SULF2: variants seen among roughly 807,000 people sequenced by gnomAD.
SULF2 encodes extracellular sulfatase Sulf-2.
In SULF2, 52 loss-of-function variants were observed where a neutral mutation model predicts 107.7. The ratio of observed to expected loss-of-function variants is 0.48; its 90% CI spans 0.39 to 0.61. The LOEUF is 0.61. Ranked by LOEUF, SULF2 falls within the 20% of genes least tolerant of loss-of-function variation. SULF2 has a pLI of 0.00. For missense variants in SULF2, 993 were observed against 1,177.3 expected, an observed-to-expected ratio of 0.84 and a Z score of 2.29; for synonymous variants, 460 against 464.3, an observed-to-expected ratio of 0.99 and a Z score of 0.12.
chr20:47,724,953 C>A (rs1470037354), intron 3 of SULF2, among the ~76,000 whole-genome samples: 9 of 152,134 alleles, frequency 5.9e-5, no homozygotes, highest in Non-Finnish European at 1.0e-4. Context: ...TCCACAAAAT[C>A]AATATAATGC....
intron 2 of SULF2, among the ~76,000 whole-genome samples, chr20:47,748,653 G>T (rs563719881): frequency 1.3e-5 from 2 of 152,246 alleles, no homozygotes; most frequent in South Asian, 4.1e-4. Flanking sequence ...TCGCTCTCTG[G>T]GCTTTGGGTT....
chr20:47,701,068 T>C (rs2088552590), intron 4 of SULF2, among the ~76,000 whole-genome samples: 1 of 152,200 alleles, frequency 6.6e-6, no homozygotes, highest in Non-Finnish European at 1.5e-5. Flanking sequence ...GCTTAGTTTA[T>C]AATAGACCCA....
chr20:47,666,712 A>G lies in SULF2; in HGVS notation c.1577-224T>C, dbSNP rs1282416482. On this transcript the variant is annotated intron_variant, in intron 11 of 20. Coordinates refer to ENST00000688720, the MANE Select transcript of SULF2 (RefSeq NM_001387048.1). This position sits in a 1 kb window ranked among gnomAD's most constrained non-coding sequence, Gnocchi z 5.4. ...CGGCAAGACGGAAGTCCTGGAGCCA[A>G]GAAGCCACTGACTCAAGAGGATTTC... 1.3e-5 allele frequency among the ~76,000 whole-genome samples: 2 copies of G among 152,242 alleles called. No homozygotes were observed. Among genetic ancestry groups the G allele is most frequent in the East Asian group, 3.8e-4 (2 of 5,198 alleles).
At chr20:47,743,930 C>T (rs2089947935) in intron 2 of SULF2, among the ~76,000 whole-genome samples, 1 of 152,218 alleles carries the variant, frequency 6.6e-6, no homozygotes, top group African/African-American at 2.4e-5. Flanking sequence ...CTGCAAATAT[C>T]ACTTTCTCAG....
At chr20:47,731,187 C>CTCTCTCTTTTTTTTTTTTTTTT (rs1186229502) in intron 3 of SULF2, among the ~76,000 whole-genome samples, 2 of 81,178 alleles carry the variant, frequency 2.5e-5, no homozygotes, top group African/African-American at 1.2e-4. Context: ...TGTATCTTCT[C>CTCTCTCTTTTTTTTTTTTTTTT]TTTTTTTTTT....
intron 2 of SULF2, 104 bp downstream of exon 2, chr20:47,757,085 G>A (rs984426356): frequency 9.2e-7 from 1 of 1,088,058 alleles, no homozygotes; most frequent in Non-Finnish European, 1.3e-6. Context: ...ACTCAAAAGT[G>A]AGCACGACGC....
At chr20:47,732,887 A>T (rs2089646723) in intron 3 of SULF2, among the ~76,000 whole-genome samples, 1 of 152,142 alleles carries the variant, frequency 6.6e-6, no homozygotes, top group Non-Finnish European at 1.5e-5. Flanking sequence ...CTGAGGATGC[A>T]ATTGATCCTT....
chr20:47,759,786 G>T (rs4295072), intron 1 of SULF2, among the ~76,000 whole-genome samples: 1 of 152,152 alleles, frequency 6.6e-6, no homozygotes, highest in Non-Finnish European at 1.5e-5. Flanking sequence ...GCCTGCCCTG[G>T]CCACCCTATT....
At position 47,731,187 on chromosome 20, in the gene SULF2, C is replaced by CTCTTTT. The variant is rs1186229502; in HGVS notation, c.415+5515_415+5516insAAAAGA. Among the ~76,000 whole-genome samples, 36 of 81,168 alleles carry CTCTTTT rather than the reference C, an allele frequency of 4.4e-4. 1 individual carries two copies. The highest frequency in any genetic ancestry group is 2.0e-3 in the African/African-American group (32 of 16,072). 53.2% of individuals were successfully genotyped at this position (81,168 alleles called of 152,430 possible). On this transcript the variant is annotated intron_variant, in intron 3 of 20. Transcript: ENST00000688720. ...TGCCTGCTACTCACCTGTATCTTCTCTTTTTTTTTTTTTTTTTTTTTTTGA... is the reference window on the plus strand; with the variant it reads ...TGCCTGCTACTCACCTGTATCTTCTCTCTTTTTTTTTTTTTTTTTTTTTTTTTTTGA...
intron 1 of SULF2, among the ~76,000 whole-genome samples, chr20:47,771,942 G>A (rs2090638336): frequency 1.3e-5 from 2 of 152,240 alleles, no homozygotes; most frequent in African/African-American, 2.4e-5. Flanking sequence ...TTTCTGGCAA[G>A]ATGGCAGCTT....
At position 47,746,986 on chromosome 20, in the gene SULF2, A is replaced by T. The variant is rs1352920984; in HGVS notation, c.176-10044T>A. On this transcript the variant is annotated intron_variant, in intron 2 of 20. Transcript: ENST00000688720. ...GTACCCTAGAACTTAAATAAATAAA[A>T]AAAAAAAAATATATATATATATATA... Among the ~76,000 whole-genome samples the T allele has an allele frequency of 7.1e-4, 29 of 40,902 alleles. No homozygotes were observed. In the East Asian group the frequency reaches 0.017, roughly 24 times the overall value. 26.8% of individuals were successfully genotyped at this position (40,902 alleles called of 152,430 possible). A position where few individuals can be genotyped will look rare whatever the true frequency, so the allele number is the denominator to read the frequency against.
At chr20:47,784,397 G>GGGA (rs11470952) in intron 1 of SULF2, among the ~76,000 whole-genome samples, 61 of 152,004 alleles carry the variant, frequency 4.0e-4, no homozygotes, top group African/African-American at 9.6e-4. Context: ...GCTTTCAAGG[G>GGGA]GGAGGAGGAG....
chr20:47,758,109 T>C (rs1032401601), intron 1 of SULF2, among the ~76,000 whole-genome samples: 3 of 151,348 alleles, frequency 2.0e-5, no homozygotes, highest in African/African-American at 7.3e-5. Flanking sequence ...CTGCTGGGGA[T>C]GCGTGTGAAA....
chr20:47,669,393 C>T (rs567351491), intron 11 of SULF2, among the ~76,000 whole-genome samples: 26 of 152,266 alleles, frequency 1.7e-4, no homozygotes, highest in East Asian at 9.7e-4. Flanking sequence ...TGGTGGGGGC[C>T]GTCCTGTGCG....
intron 2 of SULF2, 82 bp from the exon 3 acceptor site, chr20:47,737,024 C>A (rs150660056): frequency 1.3e-6 from 2 of 1,588,254 alleles, no homozygotes; most frequent in African/African-American, 1.3e-5. Context: ...CACGTGGCAT[C>A]CCTAGGTCTG....
chr20:47,698,500 T>C (rs1480312260), intron 4 of SULF2, among the ~76,000 whole-genome samples: 1 of 151,128 alleles, frequency 6.6e-6, no homozygotes, highest in Non-Finnish European at 1.5e-5. Flanking sequence ...AAGGCCGCAC[T>C]GCTACCAGGA....
At chr20:47,736,970 C>A in intron 2 of SULF2, 28 bp from the exon 3 acceptor site, 1 of 1,613,156 alleles carries the variant, frequency 6.2e-7, no homozygotes, top group Non-Finnish European at 8.5e-7. Flanking sequence ...AAGTAAGGCG[C>A]AGGGCAGGAG....
intron 4 of SULF2, 88 bp downstream of exon 4, chr20:47,702,431 A>G: frequency 6.7e-7 from 1 of 1,490,172 alleles, no homozygotes; most frequent in Non-Finnish European, 9.1e-7. Flanking sequence ...CTGAGTCACA[A>G]TCTGAACCCA....
chr20:47,688,724 C>T (rs2088098042), intron 5 of SULF2, among the ~76,000 whole-genome samples: 1 of 152,130 alleles, frequency 6.6e-6, no homozygotes, highest in African/African-American at 2.4e-5. Flanking sequence ...GCCCCTGGGA[C>T]GCAGCTCATC....
Sources: allele counts gnomAD v4.1 joint callset (sites outside exome capture counted in the v4.1 genomes callset), GRCh38; gene constraint gnomAD v4.1.1; non-coding constraint Gnocchi (gnomAD v3.1); transcripts MANE v1.5; gene names NCBI Gene and HGNC (gene_info 2026-07-23, HGNC 2026-07-21).